The following ARHGEF7 variants were observed in gnomAD, a reference collection of about 807,000 sequenced individuals.
ARHGEF7 encodes the protein Rho guanine nucleotide exchange factor 7.
In ARHGEF7, 33 loss-of-function variants were observed where a neutral mutation model predicts 109.8. The observed-to-expected ratio is 0.30, with a 90% CI of 0.23 to 0.40. ARHGEF7 has a LOEUF of 0.40. ARHGEF7 is among the 10% of genes least tolerant of loss of function. The probability of loss-of-function intolerance (pLI) is 1.00; values close to 1 mark genes in which losing one functional copy is unlikely to be tolerated. For missense variants in ARHGEF7, 938 were observed against 1,098.5 expected (o/e 0.85, Z 2.07); for synonymous variants, 458 against 424.6 (o/e 1.08, Z -0.97).
intron 2 of ARHGEF7, among the ~76,000 whole-genome samples, chr13:111,202,393 C>A (rs1318254097): frequency 1.3e-5 from 2 of 152,206 alleles, no homozygotes; most frequent in Non-Finnish European, 2.9e-5. Flanking sequence ...GCTGGAGTAT[C>A]CTGCCCTTTT....
rs2093635452 is a variant in ARHGEF7 at position 111,305,719 on chromosome 13, T to C, written c.*2606T>C. On this transcript the variant is annotated 3_prime_UTR_variant, in exon 22 of 22. Coordinates refer to ENST00000646102, the MANE Select transcript of ARHGEF7 (RefSeq NM_001354046.2). The stretch of plus-strand genomic sequence containing the variant: ...ACTGTTGTAATTATTAAACTGATTA[T>C]TTTTCTTATGTCACAGAATGTGTCG... The C allele has an allele frequency of 6.6e-6, 1 of 152,246 alleles. No homozygotes were observed. Among genetic ancestry groups the C allele is most frequent in the South Asian group, 2.1e-4 (1 of 4,834 alleles). The allele number at this position is 152,246 out of a possible 1,614,324, so 9.4% of individuals were successfully genotyped here.
chr13:111,243,200 A>G (rs1297919372), intron 6 of ARHGEF7, among the ~76,000 whole-genome samples: 3 of 151,232 alleles, frequency 2.0e-5, no homozygotes, highest in South Asian at 4.2e-4. Context: ...ATTGATTTCA[A>G]TTTTTAGATG....
At chr13:111,173,943 C>G (rs978700117) in intron 2 of ARHGEF7, among the ~76,000 whole-genome samples, 1 of 152,100 alleles carries the variant, frequency 6.6e-6, no homozygotes, top group Non-Finnish European at 1.5e-5. Context: ...GTAGTGATTA[C>G]TATGATAAAA....
At chr13:111,275,840 G>A (rs944768548) in intron 12 of ARHGEF7, 162 bp downstream of exon 12, 5 of 873,042 alleles carry the variant, frequency 5.7e-6, no homozygotes, top group Non-Finnish European at 8.9e-6. Flanking sequence ...AGAGGCTTAT[G>A]GCATGTTAGA....
chr13:111,241,457 A>AC, intron 6 of ARHGEF7: 1 of 1,010,300 alleles, frequency 9.9e-7, no homozygotes, highest in Non-Finnish European at 1.4e-6. Context: ...AGGAAAAGTT[A>AC]AGTGTAACTT....
intron 19 of ARHGEF7, among the ~76,000 whole-genome samples, chr13:111,295,545 A>G (rs2093408997): frequency 6.6e-6 from 1 of 152,206 alleles, no homozygotes; most frequent in Admixed American, 6.5e-5. Context: ...GCCAGTTTTT[A>G]ATTTTTGTTT....
chr13:111,195,777 C>T (rs2080430302), intron 2 of ARHGEF7, among the ~76,000 whole-genome samples: 1 of 152,192 alleles, frequency 6.6e-6, no homozygotes, highest in Non-Finnish European at 1.5e-5. Context: ...TTGTAAACCA[C>T]ACTGATAACA....
intron 4 of ARHGEF7, among the ~76,000 whole-genome samples, chr13:111,213,147 A>G (rs535098740): frequency 8.5e-4 from 129 of 152,286 alleles, no homozygotes; most frequent in African/African-American, 3.0e-3. Flanking sequence ...AGAACATGGG[A>G]TACAATAAAG....
chr13:111,215,242 C>T lies in ARHGEF7; in HGVS notation c.469-2437C>T, dbSNP rs750758302. Among the ~76,000 whole-genome samples, 8 of 151,970 alleles carry T rather than the reference C, an allele frequency of 5.3e-5. No individual in the cohort carries two copies. In the South Asian group the frequency reaches 1.3e-3, roughly 24 times the overall value. On this transcript the variant is annotated intron_variant, in intron 4 of 21. Transcript: ENST00000646102. ...GGTTCTTAAGGAGTGCTTTCTAATG[C>T]GGATAGTTGTTAAGTTTGGTGTCCT...
In ARHGEF7 at chr13:111,272,019, C is replaced by T. The variant is rs375984152; in HGVS notation, c.1074-1795C>T. Among the ~76,000 whole-genome samples, 1 of 152,162 alleles carries T rather than the reference C, an allele frequency of 6.6e-6. No individual in the cohort carries two copies. On this transcript the variant is annotated intron_variant, in intron 9 of 21. Transcript: ENST00000646102. This position sits in a 1 kb window ranked among gnomAD's most constrained non-coding sequence, Gnocchi z 5.2. ...GAGACCACCCTGGTTTTGTAGAAAG[C>T]GTTGAGATGTAAGTGGCCTTCTCAG...
intron 19 of ARHGEF7, among the ~76,000 whole-genome samples, chr13:111,295,600 G>C (rs2093410544): frequency 6.6e-6 from 1 of 151,528 alleles, no homozygotes; most frequent in Non-Finnish European, 1.5e-5. Context: ...GCAAAATAAA[G>C]GGAAAGGAAA....
At chr13:111,163,256 C>T (rs928202000) in intron 2 of ARHGEF7, among the ~76,000 whole-genome samples, 5 of 152,292 alleles carry the variant, frequency 3.3e-5, no homozygotes, top group Middle Eastern at 3.4e-3. Flanking sequence ...CATTCAGATA[C>T]TGTAATTGTG....
intron 19 of ARHGEF7, among the ~76,000 whole-genome samples, chr13:111,300,496 C>T (rs1324508815): frequency 5.3e-5 from 8 of 152,140 alleles, no homozygotes; most frequent in African/African-American, 1.7e-4. Context: ...TTCAACAATC[C>T]GTAATTCCGA....
intron 6 of ARHGEF7, among the ~76,000 whole-genome samples, chr13:111,242,226 G>A (rs1028819477): frequency 2.0e-4 from 30 of 151,708 alleles, no homozygotes; most frequent in African/African-American, 4.8e-4. Flanking sequence ...GTTTTTTTTC[G>A]CCCAAGTAGT....
At chr13:111,233,366 G>A in intron 6 of ARHGEF7, 73 bp downstream of exon 6, 1 of 1,155,288 alleles carries the variant, frequency 8.7e-7, no homozygotes, top group Admixed American at 1.7e-5. Flanking sequence ...GTAGAATGTA[G>A]TGTAAAGTAC....
At chr13:111,150,409 G>A (rs1334665756) in intron 1 of ARHGEF7, among the ~76,000 whole-genome samples, 1 of 152,102 alleles carries the variant, frequency 6.6e-6, no homozygotes, top group Non-Finnish European at 1.5e-5. Context: ...TTTTGTTTGT[G>A]GGTTCTACTG....
chr13:111,166,798 A>T (rs2077169110), intron 2 of ARHGEF7, among the ~76,000 whole-genome samples: 1 of 152,222 alleles, frequency 6.6e-6, no homozygotes, highest in Non-Finnish European at 1.5e-5. Flanking sequence ...GACTTCAGGG[A>T]TGCGGCCTGG....
At chr13:111,208,661 G>A (rs1354647223) in intron 3 of ARHGEF7, among the ~76,000 whole-genome samples, 1 of 152,086 alleles carries the variant, frequency 6.6e-6, no homozygotes, top group Admixed American at 6.5e-5. Context: ...CCTTTTAGCT[G>A]GTTTTGTGCT....
intron 1 of ARHGEF7, chr13:111,122,737 G>C (rs559825581): frequency 6.6e-6 from 1 of 152,378 alleles, no homozygotes; most frequent in South Asian, 2.1e-4. Flanking sequence ...CTTCAGGCAG[G>C]TCAGAAGAGA....
Sources: allele counts gnomAD v4.1 joint callset (sites outside exome capture counted in the v4.1 genomes callset), GRCh38; gene constraint gnomAD v4.1.1; non-coding constraint Gnocchi (gnomAD v3.1); transcripts MANE v1.5; gene names NCBI Gene and HGNC (gene_info 2026-07-23, HGNC 2026-07-21).